CCSER1: variants seen among roughly 807,000 people sequenced by gnomAD.
CCSER1 encodes the protein coiled-coil serine rich protein 1.
Under a neutral mutation model 82.0 loss-of-function variants are expected in CCSER1, and 41 were observed. That is an observed-to-expected ratio of 0.50 (90% confidence interval 0.39 to 0.65). CCSER1 has a LOEUF of 0.65. Among genes scored for constraint, CCSER1 ranks in the 30% least tolerant of loss-of-function variants. CCSER1 has a pLI of 0.00. For missense variants in CCSER1, 1,119 were observed against 1,064.2 expected, an observed-to-expected ratio of 1.05 and a Z score of -0.72; for synonymous variants, 414 against 383.9, an observed-to-expected ratio of 1.08 and a Z score of -0.92.
intron 10 of CCSER1, among the ~76,000 whole-genome samples, chr4:91,138,886 C>T (rs1728748356): frequency 6.6e-6 from 1 of 152,152 alleles, no homozygotes. Context: ...AAAATAAGTT[C>T]TACCTTTATT....
intron 10 of CCSER1, among the ~76,000 whole-genome samples, chr4:91,492,212 C>T (rs2110072408): frequency 6.6e-6 from 1 of 152,188 alleles, no homozygotes; most frequent in South Asian, 2.1e-4. Context: ...AGCCTGTCAA[C>T]ACCACCTCAA....
At chr4:90,970,268 C>T (rs1283782962) in intron 9 of CCSER1, among the ~76,000 whole-genome samples, 2 of 151,644 alleles carry the variant, frequency 1.3e-5, no homozygotes, top group Non-Finnish European at 2.9e-5. Flanking sequence ...AAAAATATGC[C>T]ATGCAAATGG....
intron 3 of CCSER1, among the ~76,000 whole-genome samples, chr4:90,328,313 G>T (rs549646476): frequency 6.9e-6 from 1 of 145,980 alleles, no homozygotes; most frequent in African/African-American, 2.6e-5. Context: ...CAGTGATTTT[G>T]CCCTAATAGT....
intron 5 of CCSER1, among the ~76,000 whole-genome samples, chr4:90,586,943 T>A (rs190172853): frequency 1.3e-5 from 2 of 152,282 alleles, no homozygotes; most frequent in East Asian, 1.9e-4. Flanking sequence ...AATTTAAAGA[T>A]CTTCAGATAG....
At chr4:90,423,795 T>C (rs777944771) in intron 4 of CCSER1, among the ~76,000 whole-genome samples, 2 of 149,958 alleles carry the variant, frequency 1.3e-5, no homozygotes, top group Non-Finnish European at 3.0e-5. Flanking sequence ...TCTTTTTTAA[T>C]AACACATTTT....
chr4:90,708,977 T>C (rs923797072), intron 6 of CCSER1, among the ~76,000 whole-genome samples: 2 of 152,148 alleles, frequency 1.3e-5, no homozygotes, highest in Non-Finnish European at 2.9e-5. Flanking sequence ...TGCATAGCCT[T>C]TAACTGAGAC....
chr4:91,270,339 G>C (rs184272581), intron 10 of CCSER1, among the ~76,000 whole-genome samples: 2 of 152,160 alleles, frequency 1.3e-5, no homozygotes, highest in Non-Finnish European at 1.5e-5. Flanking sequence ...TAACAAGATG[G>C]TATGTTACTC....
At chr4:90,628,707 T>A (rs1187077736) in intron 6 of CCSER1, among the ~76,000 whole-genome samples, 1 of 152,156 alleles carries the variant, frequency 6.6e-6, no homozygotes, top group African/African-American at 2.4e-5. Context: ...CTGAATGATT[T>A]TGCCTAAGGA....
chr4:90,523,536 A>G (rs2153626435), intron 5 of CCSER1, among the ~76,000 whole-genome samples: 1 of 152,314 alleles, frequency 6.6e-6, no homozygotes, highest in East Asian at 1.9e-4. Context: ...TACAGTGTTT[A>G]TATGATATTA....
At chr4:91,394,028 C>T (rs1453054659) in intron 10 of CCSER1, among the ~76,000 whole-genome samples, 3 of 152,046 alleles carry the variant, frequency 2.0e-5, no homozygotes, top group Admixed American at 6.6e-5. Flanking sequence ...ATCGGTGATA[C>T]TTGGTAGTGA....
At chr4:90,780,367 T>TC in intron 7 of CCSER1, 2 of 1,421,626 alleles carry the variant, frequency 1.4e-6, no homozygotes, top group Non-Finnish European at 1.9e-6. Context: ...TCATTGATGA[T>TC]CCCCAAAATA....
chr4:90,912,936 G>A (rs541956063), intron 8 of CCSER1, among the ~76,000 whole-genome samples: 5 of 152,260 alleles, frequency 3.3e-5, no homozygotes, highest in Admixed American at 2.6e-4. Flanking sequence ...GAAATTTAGA[G>A]AAAAAGGAAT....
rs544857631 is a variant in CCSER1, at chr4:90,540,440, G to T, written c.1724+72086G>T. ...TTACTTATGTCATGTGTGGATAATG[G>T]GATTAATACTCAATTTATCTCCAGA... is the stretch of plus-strand genomic sequence containing the variant. On this transcript the variant is annotated intron_variant, in intron 5 of 10. Transcript: ENST00000509176. 2.7e-4 allele frequency among the ~76,000 whole-genome samples: 41 copies of T among 151,986 alleles called. 1 individual carries two copies. The South Asian group carries it at 8.3e-3, about 31-fold the overall frequency.
At chr4:91,067,854 T>C (rs895998054) in intron 9 of CCSER1, among the ~76,000 whole-genome samples, 14 of 152,188 alleles carry the variant, frequency 9.2e-5, no homozygotes, top group African/African-American at 3.4e-4. Context: ...CTCTAAGCAG[T>C]GGTCAGATTG....
rs145323626 is a variant in CCSER1 at position 91,254,242 on chromosome 4, G to A, written c.2217+168248G>A. On this transcript the variant is annotated intron_variant, in intron 10 of 10. Coordinates refer to ENST00000509176, the MANE Select transcript of CCSER1 (RefSeq NM_001145065.2). ...GACGTATACACAGAAGACTTTACTC[G>A]ACAACAGCAAACACATTCTTCTCAA... 1.7e-3 allele frequency among the ~76,000 whole-genome samples: 262 copies of A among 152,154 alleles called. 1 individual carries two copies. Among genetic ancestry groups the A allele is most frequent in the African/African-American group, 5.9e-3 (245 of 41,508 alleles).
chr4:90,893,097 G>A (rs978450762), intron 8 of CCSER1, among the ~76,000 whole-genome samples: 1 of 151,978 alleles, frequency 6.6e-6, no homozygotes, highest in Admixed American at 6.6e-5. Context: ...TTTGGTGTTG[G>A]AGAAAGACCA....
chr4:90,171,256 T>A (rs567902443), intron 1 of CCSER1, among the ~76,000 whole-genome samples: 3 of 151,850 alleles, frequency 2.0e-5, no homozygotes, highest in Non-Finnish European at 4.4e-5. Context: ...AAAAAATTTA[T>A]ACTAAGAGAA....
At chr4:90,800,858 C>G (rs1756708891) in intron 7 of CCSER1, among the ~76,000 whole-genome samples, 1 of 151,822 alleles carries the variant, frequency 6.6e-6, no homozygotes, top group African/African-American at 2.4e-5. Flanking sequence ...AAAGTAAATA[C>G]CAATGTTTAT....
rs183541009 is a variant in CCSER1 at position 91,339,562 on chromosome 4, C to T, written c.2217+253568C>T. On this transcript the variant is annotated intron_variant, in intron 10 of 10. Coordinates refer to ENST00000509176, the MANE Select transcript of CCSER1 (RefSeq NM_001145065.2). ...TTTTCGCTGTGTTTGACTTCAGTCT[C>T]TGCTTTTGAATGGTAACAAGATGGC... 1.1e-3 allele frequency among the ~76,000 whole-genome samples: 165 copies of T among 152,280 alleles called. 1 individual carries two copies. The highest frequency in any genetic ancestry group is 3.7e-3 in the African/African-American group (154 of 41,576).
Sources: gnomAD v4.1 joint callset for allele counts (sites outside exome capture counted in the v4.1 genomes callset) on GRCh38, gnomAD v4.1.1 for gene constraint, MANE v1.5 for transcripts, NCBI Gene and HGNC (gene_info 2026-07-23, HGNC 2026-07-21) for gene names.